XG: variants seen among roughly 807,000 people sequenced by gnomAD.
XG encodes the protein Xg glycoprotein (Xg blood group), also known as glycoprotein Xg.
XG carries 24 observed loss-of-function variants against 25.7 expected under a neutral mutation model. The ratio of observed to expected loss-of-function variants is 0.93; its 90% CI spans 0.68 to 1.31. XG has a LOEUF of 1.31. Ranked by LOEUF, XG falls within the 40% of genes most tolerant of loss-of-function variation. The pLI is 0.00. For missense variants in XG, 181 were observed against 187.6 expected, an observed-to-expected ratio of 0.96 and a Z score of 0.21; for synonymous variants, 77 against 69.2, an observed-to-expected ratio of 1.11 and a Z score of -0.56.
chrX:2,782,451 G>A (rs928102307), intron 4 of XG, among the ~76,000 whole-genome samples: 2 of 111,768 alleles, frequency 1.8e-5, no homozygotes, highest in African/African-American at 6.5e-5. Flanking sequence ...ACGCAGAGCC[G>A]GCTCTAAGGG....
intron 4 of XG, 115 bp from the exon 5 acceptor site, chrX:2,789,529 C>T (rs1279604796): frequency 1.9e-5 from 8 of 425,537 alleles, no homozygotes; most frequent in South Asian, 8.8e-5. Context: ...TAATAAGCTC[C>T]GTAAAAGCAA....
intron 1 of XG, among the ~76,000 whole-genome samples, chrX:2,768,833 A>G (rs1186331435): frequency 6.6e-6 from 1 of 152,182 alleles, no homozygotes; most frequent in Non-Finnish European, 1.5e-5. Context: ...GATGGAGCAA[A>G]GATTTGCTGG....
rs777938961 is a variant in XG at position 2,773,160 on chromosome X, G to A, written c.104-1556G>A. Among the ~76,000 whole-genome samples the A allele has an allele frequency of 3.3e-5, 5 of 151,000 alleles. No homozygotes were observed. In the Admixed American group the frequency reaches 3.3e-4, roughly 10 times the overall value. On this transcript the variant is annotated intron_variant, in intron 2 of 10. Transcript: ENST00000644266. Reference sequence around the variant, plus strand: ...ACAATGAAAGGACAGAGGAAAACAGGGAGGGAGGGAGGAAAAAGGATGGAA... The same window carrying A: ...ACAATGAAAGGACAGAGGAAAACAGAGAGGGAGGGAGGAAAAAGGATGGAA...
intron 3 of XG, among the ~76,000 whole-genome samples, chrX:2,776,917 C>G (rs1245782294): frequency 1.3e-5 from 2 of 152,178 alleles, no homozygotes; most frequent in Non-Finnish European, 1.5e-5. Flanking sequence ...TGAGAGATGT[C>G]AGGAAGTCAA....
chrX:2,757,394 G>C (rs2050458322), intron 1 of XG, among the ~76,000 whole-genome samples: 1 of 151,388 alleles, frequency 6.6e-6, no homozygotes. Flanking sequence ...CTTGAGGGCG[G>C]GGCCTTTGCT....
chrX:2,780,142 A>G (rs771210891), intron 3 of XG, among the ~76,000 whole-genome samples: 1 of 152,198 alleles, frequency 6.6e-6, no homozygotes, highest in African/African-American at 2.4e-5. Context: ...ATAGAGCACA[A>G]ACTGTGTATA....
At chrX:2,772,602 G>A (rs1047448472) in intron 2 of XG, among the ~76,000 whole-genome samples, 1 of 152,096 alleles carries the variant, frequency 6.6e-6, no homozygotes, top group African/African-American at 2.4e-5. Context: ...CTCCTTTTGG[G>A]GGGATGAAAC....
intron 1 of XG, among the ~76,000 whole-genome samples, chrX:2,760,611 T>G (rs750843488): frequency 1.3e-5 from 2 of 150,216 alleles, no homozygotes; most frequent in East Asian, 3.9e-4. Flanking sequence ...TGGGCGTGCC[T>G]GTAGTCCCAG....
chrX:2,762,000 T>A (rs2050576262), intron 1 of XG, among the ~76,000 whole-genome samples: 1 of 152,140 alleles, frequency 6.6e-6, no homozygotes, highest in Non-Finnish European at 1.5e-5. Context: ...TGGGAGCTGA[T>A]GAGAAACACT....
At chrX:2,768,093 GT>G (rs1199586873) in intron 1 of XG, among the ~76,000 whole-genome samples, 2 of 152,130 alleles carry the variant, frequency 1.3e-5, no homozygotes, top group African/African-American at 4.8e-5. Flanking sequence ...CCACCTGCCT[GT>G]TTTATGCAAC....
intron 4 of XG, among the ~76,000 whole-genome samples, chrX:2,782,496 G>T (rs1387159806): frequency 1.8e-5 from 2 of 111,548 alleles, no homozygotes; most frequent in East Asian, 5.7e-4. Context: ...TTCAGTCTCT[G>T]GAACATCTGG....
intron 1 of XG, among the ~76,000 whole-genome samples, chrX:2,763,063 C>T (rs1399403640): frequency 6.6e-6 from 1 of 152,170 alleles, no homozygotes; most frequent in Non-Finnish European, 1.5e-5. Context: ...ACCCAGGTTG[C>T]AGTGTAGTGG....
intron 1 of XG, among the ~76,000 whole-genome samples, chrX:2,755,547 A>G (rs889690736): frequency 2.0e-5 from 3 of 152,108 alleles, no homozygotes; most frequent in African/African-American, 7.2e-5. Context: ...CCTGTGACTC[A>G]GAATGCCTTA....
chrX:2,752,895 C>G (rs1419919876), intron 1 of XG: 61 of 984,880 alleles, frequency 6.2e-5, no homozygotes, highest in Non-Finnish European at 7.4e-5. Context: ...TATAAACTTG[C>G]AGGCTGGCTG....
chrX:2,794,264 C>T (rs1007961256), intron 5 of XG, among the ~76,000 whole-genome samples: 6 of 111,908 alleles, frequency 5.4e-5, no homozygotes, highest in Non-Finnish European at 9.4e-5. Context: ...TCACGGTTGG[C>T]CCTGGGAGGG....
intron 1 of XG, among the ~76,000 whole-genome samples, chrX:2,767,922 A>G (rs2050735514): frequency 6.6e-6 from 1 of 152,142 alleles, no homozygotes; most frequent in Non-Finnish European, 1.5e-5. Context: ...GAAACCAAGC[A>G]AAGCCTAAAG....
At chrX:2,796,756 T>C (rs2086890108) in intron 6 of XG, among the ~76,000 whole-genome samples, 1 of 111,770 alleles carries the variant, frequency 8.9e-6, no homozygotes, top group Admixed American at 9.6e-5. Flanking sequence ...AAAGGACTTG[T>C]CCCAGATATT....
chrX:2,762,246 C>G (rs1022987448), intron 1 of XG, among the ~76,000 whole-genome samples: 8 of 152,202 alleles, frequency 5.3e-5, no homozygotes, highest in African/African-American at 1.9e-4. Context: ...TCTCTGCAGA[C>G]ACCGTCTGTT....
chrX:2,805,749 T>C (rs1035423080), intron 7 of XG, among the ~76,000 whole-genome samples: 13 of 111,858 alleles, frequency 1.2e-4, no homozygotes, highest in Non-Finnish European at 1.9e-4. Context: ...CCTCTTCTTA[T>C]AAGGTCTGTA....
Sources: allele counts gnomAD v4.1 joint callset (sites outside exome capture counted in the v4.1 genomes callset), GRCh38; gene constraint gnomAD v4.1.1; transcripts MANE v1.5; gene names NCBI Gene and HGNC (gene_info 2026-07-23, HGNC 2026-07-21).